The following PUDP variants were observed in gnomAD, a reference collection of about 807,000 sequenced individuals.
The protein encoded by PUDP is pseudouridine-5'-phosphatase.
Under a neutral mutation model 9.4 loss-of-function variants are expected in PUDP, and 8 were observed. The ratio of observed to expected loss-of-function variants is 0.85; its 90% CI spans 0.50 to 1.53. The LOEUF is 1.53. Ranked by LOEUF, PUDP falls within the 40% of genes most tolerant of loss-of-function variation. The pLI is 0.00. For missense variants in PUDP, 188 were observed against 189.7 expected, an observed-to-expected ratio of 0.99 and a Z score of 0.05; for synonymous variants, 99 against 80.7, an observed-to-expected ratio of 1.23 and a Z score of -1.22.
intron 3 of PUDP, among the ~76,000 whole-genome samples, chrX:6,810,476 A>G (rs1926125322): frequency 8.9e-6 from 1 of 111,743 alleles, no homozygotes; most frequent in Non-Finnish European, 1.9e-5. Flanking sequence ...AGTGGAGTGC[A>G]TTTCACTGAC....
chrX:6,916,700 C>T (rs1476945791), intron 3 of PUDP, among the ~76,000 whole-genome samples: 1 of 111,461 alleles, frequency 9.0e-6, no homozygotes, highest in African/African-American at 3.3e-5. Context: ...GTTGTTGATG[C>T]CATTCTGGGG....
upstream of PUDP, among the ~76,000 whole-genome samples, chrX:6,723,996 G>A (rs1430598270): frequency 5.4e-5 from 6 of 111,103 alleles, no homozygotes; most frequent in South Asian, 7.6e-4. Context: ...AAAATATGTC[G>A]ATGGCAGATT....
chrX:7,118,219 T>A (rs1932248764), intron 1 of PUDP, among the ~76,000 whole-genome samples: 1 of 112,111 alleles, frequency 8.9e-6, no homozygotes, highest in Admixed American at 9.5e-5. Flanking sequence ...CTTATCCCAA[T>A]GTATAGCAGA....
intron 3 of PUDP, among the ~76,000 whole-genome samples, chrX:6,817,799 T>C (rs2146705382): frequency 8.9e-6 from 1 of 112,093 alleles, no homozygotes; most frequent in South Asian, 3.7e-4. Context: ...TTACTTGGAC[T>C]TAGACATTTA....
At chrX:6,751,840 A>G in intron 3 of PUDP, among the ~76,000 whole-genome samples, 3 of 110,964 alleles carry the variant, frequency 2.7e-5, no homozygotes, top group African/African-American at 9.8e-5. Flanking sequence ...CAGAAGAACG[A>G]TTGGTGTTTT....
intron 3 of PUDP, among the ~76,000 whole-genome samples, chrX:6,820,926 C>T (rs924849650): frequency 3.6e-5 from 4 of 111,961 alleles, no homozygotes; most frequent in Non-Finnish European, 7.5e-5. Flanking sequence ...GGGGCTCCTA[C>T]CCCACATTTG....
chrX:6,951,297 T>TCCATCCATCCATTATATCTAC (rs1180396131), intron 3 of PUDP, among the ~76,000 whole-genome samples: 1 of 110,491 alleles, frequency 9.1e-6, no homozygotes, highest in Non-Finnish European at 1.9e-5. Flanking sequence ...CATCCATCCA[T>TCCATCCATCCATTATATCTAC]CCATCCATCC....
At chrX:6,987,157 G>C (rs757327063) in intron 1 of PUDP, among the ~76,000 whole-genome samples, 5 of 112,390 alleles carry the variant, frequency 4.4e-5, no homozygotes, top group African/African-American at 1.3e-4. Context: ...GATGTGGACA[G>C]AGCAGCAGAG....
intron 1 of PUDP, among the ~76,000 whole-genome samples, chrX:6,988,036 A>C (rs1022095546): frequency 8.9e-6 from 1 of 112,287 alleles, no homozygotes; most frequent in African/African-American, 3.2e-5. Flanking sequence ...ACTGATTCTC[A>C]GTGGCATTTT....
intron 3 of PUDP, among the ~76,000 whole-genome samples, chrX:6,781,798 T>C (rs1384863191): frequency 1.8e-5 from 2 of 112,160 alleles, no homozygotes; most frequent in East Asian, 5.6e-4. Flanking sequence ...TATTGGAGGA[T>C]GGATTCAGGG....
At chrX:7,022,545 C>A (rs1453072241) in intron 1 of PUDP, among the ~76,000 whole-genome samples, 1 of 111,349 alleles carries the variant, frequency 9.0e-6, no homozygotes, top group Non-Finnish European at 1.9e-5. Flanking sequence ...AAGACCAAAG[C>A]ATATTAGGAT....
intron 3 of PUDP, among the ~76,000 whole-genome samples, chrX:6,916,191 TACAC>T (rs747162229): frequency 0.15 from 10,421 of 69,557 alleles, 834 homozygotes; most frequent in Middle Eastern, 0.22. Flanking sequence ...ATGCTTTTTC[TACAC>T]ACACACACAC....
At chrX:7,104,046 G>A (rs903610746) in intron 2 of PUDP, among the ~76,000 whole-genome samples, 1 of 112,096 alleles carries the variant, frequency 8.9e-6, no homozygotes, top group African/African-American at 3.2e-5. Flanking sequence ...CCACTTCTGG[G>A]TATATCCCAA....
Position 7,057,427 on chromosome X carries a change from T to C in PUDP, c.511-6955A>G, listed in dbSNP as rs113737136. Reference sequence around the variant, plus strand: ...GGGGGTGAGGATTTCAGCATCTGAATTGGGGGAGGGAAACAGTCCAAACAC... The same window carrying C: ...GGGGGTGAGGATTTCAGCATCTGAACTGGGGGAGGGAAACAGTCCAAACAC... On this transcript the variant is annotated intron_variant, in intron 3 of 3. Coordinates refer to ENST00000381077, the MANE Select transcript of PUDP (RefSeq NM_012080.5). 4.0e-3 allele frequency among the ~76,000 whole-genome samples: 444 copies of C among 109,773 alleles called. 2 individuals carry two copies. The highest frequency in any genetic ancestry group is 0.014 in the African/African-American group (427 of 30,107).
intron 1 of PUDP, among the ~76,000 whole-genome samples, chrX:7,028,572 A>C (rs767088615): frequency 1.8e-5 from 2 of 111,441 alleles, no homozygotes; most frequent in East Asian, 5.7e-4. Flanking sequence ...GGGAAGCGGT[A>C]CCAGAGAAAT....
chrX:6,884,064 T>C (rs762923809), intron 3 of PUDP, among the ~76,000 whole-genome samples: 1 of 111,497 alleles, frequency 9.0e-6, no homozygotes, highest in South Asian at 3.8e-4. Flanking sequence ...GTGGTCTTGA[T>C]CTCCTGACGT....
At chrX:6,782,897 C>A (rs1198422640) in intron 3 of PUDP, among the ~76,000 whole-genome samples, 2 of 112,080 alleles carry the variant, frequency 1.8e-5, no homozygotes, top group East Asian at 5.6e-4. Flanking sequence ...CGTGATTTCT[C>A]TCCTGCTGCA....
intron 1 of PUDP, among the ~76,000 whole-genome samples, chrX:7,042,661 G>GC (rs1929937692): frequency 9.4e-6 from 1 of 106,519 alleles, no homozygotes; most frequent in Admixed American, 1.0e-4. Flanking sequence ...TCATTTTTTG[G>GC]GGGGGGTAGA....
intron 1 of PUDP, among the ~76,000 whole-genome samples, chrX:7,134,684 T>C (rs1049385369): frequency 2.7e-5 from 3 of 111,637 alleles, no homozygotes; most frequent in African/African-American, 9.8e-5. Flanking sequence ...AGCACCAACC[T>C]AAATAGGAGT....
Sources: gnomAD v4.1 joint callset for allele counts (sites outside exome capture counted in the v4.1 genomes callset) on GRCh38, gnomAD v4.1.1 for gene constraint, MANE v1.5 for transcripts, NCBI Gene and HGNC (gene_info 2026-07-23, HGNC 2026-07-21) for gene names.